TTC34: variants seen among roughly 807,000 people sequenced by gnomAD.
The protein encoded by TTC34 is tetratricopeptide repeat domain 34, also known as tetratricopeptide repeat protein 34.
In TTC34, 44 loss-of-function variants were observed where a neutral mutation model predicts 40.7. The ratio of observed to expected loss-of-function variants is 1.08; its 90% CI spans 0.85 to 1.39. The LOEUF is 1.39. Among genes scored for constraint, TTC34 ranks in the 40% most tolerant of loss-of-function variants. The pLI is 0.00. For missense variants in TTC34, 884 were observed against 838.0 expected (o/e 1.05, Z -0.68); for synonymous variants, 422 against 398.6 (o/e 1.06, Z -0.70).
chr1:2,682,081 C>G lies in TTC34; in HGVS notation c.2227-36518G>C, dbSNP rs868044592. 7.0e-3 allele frequency among the ~76,000 whole-genome samples: 882 copies of G among 126,504 alleles called. 10 individuals carry two copies. The highest frequency in any genetic ancestry group is 0.024 in the African/African-American group (824 of 34,558). 83.0% of individuals were successfully genotyped at this position (126,504 alleles called of 152,430 possible). A position where few individuals can be genotyped will look rare whatever the true frequency, so the allele number is the denominator to read the frequency against. ...GCACCCCACACCCACAGGTGAGCAT[C>G]TGACAGCCTGGAGCAGCACCCACAC... On this transcript the variant is annotated intron_variant, in intron 6 of 8. Transcript: ENST00000401095.
In TTC34 at chr1:2,686,523, C is replaced by T. The variant is rs371084209; in HGVS notation, c.2227-40960G>A. 3.5e-4 allele frequency among the ~76,000 whole-genome samples: 49 copies of T among 139,604 alleles called. No homozygotes were observed. The East Asian group carries it at 8.3e-3, about 24-fold the overall frequency. The allele number at this position is 139,604 out of a possible 152,430, so 91.6% of individuals were successfully genotyped here. A position where few individuals can be genotyped will look rare whatever the true frequency, so the allele number is the denominator to read the frequency against. On this transcript the variant is annotated intron_variant, in intron 6 of 8. Coordinates refer to ENST00000401095, the Ensembl canonical transcript of TTC34. ...ACAGCCTCGAACAGCACCCTGCACC[C>T]CCAGGGGAGCATCTGACAGCCTGGA...
intron 6 of TTC34, among the ~76,000 whole-genome samples, chr1:2,688,022 T>A: frequency 7.8e-6 from 1 of 127,780 alleles, no homozygotes; most frequent in Admixed American, 8.0e-5. Flanking sequence ...GGCGAGCATC[T>A]GACTGCATGT....
rs1208721428 is a variant in TTC34 at position 2,755,949 on chromosome 1, A to T, written c.2226+27660T>A. On this transcript the variant is annotated intron_variant, in intron 6 of 8. Coordinates refer to ENST00000401095, the Ensembl canonical transcript of TTC34. Reference sequence around the variant, plus strand: ...GCCTGGAGCAGCACCCTGCACCCCCAGGTGAGGATCTGACAGCCTGGAACA... The same window carrying T: ...GCCTGGAGCAGCACCCTGCACCCCCTGGTGAGGATCTGACAGCCTGGAACA... Among the ~76,000 whole-genome samples, 9 of 78,430 alleles carry T rather than the reference A, an allele frequency of 1.1e-4. 3 individuals are homozygous for T. Among genetic ancestry groups the T allele is most frequent in the African/African-American group, 9.0e-4 (9 of 9,964 alleles). The allele number at this position is 78,430 out of a possible 152,430, so 51.5% of individuals were successfully genotyped here.
At chr1:2,641,861 G>T in exon 9 of TTC34, 1 of 1,502,012 alleles carries the variant, frequency 6.7e-7, no homozygotes, top group Non-Finnish European at 8.9e-7. Context: ...GGGTTGCCCT[G>T]CGTCCAGGAG....
intron 6 of TTC34, among the ~76,000 whole-genome samples, chr1:2,686,234 C>A (rs1476292654): frequency 2.7e-5 from 4 of 150,014 alleles, no homozygotes; most frequent in African/African-American, 1.0e-4. Context: ...TGGAGCAGTG[C>A]CCACACCCCC....
intron 6 of TTC34, among the ~76,000 whole-genome samples, chr1:2,747,596 GC>G (rs1641194973): frequency 7.9e-6 from 1 of 126,154 alleles, no homozygotes; most frequent in South Asian, 2.8e-4. Context: ...GCACCCACAT[GC>G]CCAGGTGAGC....
intron 6 of TTC34, among the ~76,000 whole-genome samples, chr1:2,660,803 C>A (rs1570772576): frequency 1.5e-5 from 2 of 130,406 alleles, no homozygotes; most frequent in African/African-American, 3.1e-5. Flanking sequence ...CCCAGGTGAG[C>A]ATCTGACAGC....
chr1:2,700,010 C>G (rs1158508815), intron 6 of TTC34, among the ~76,000 whole-genome samples: 2 of 117,786 alleles, frequency 1.7e-5, no homozygotes, highest in Non-Finnish European at 4.0e-5. Context: ...GCAGCGTCCA[C>G]ACCCCCAGGT....
chr1:2,751,746 C>A (rs1209409400), intron 6 of TTC34, among the ~76,000 whole-genome samples: 11 of 147,826 alleles, frequency 7.4e-5, no homozygotes, highest in Non-Finnish European at 1.2e-4. Flanking sequence ...GAGCATCTGA[C>A]ATCGTAGAGC....
At position 2,768,501 on chromosome 1, in the gene TTC34, T is replaced by A. The variant is rs1183282628; in HGVS notation, c.2226+15108A>T. On this transcript the variant is annotated intron_variant, in intron 6 of 8. Transcript: ENST00000401095. ...ATAAGTGGGGAAAAGCTCCCCGCCC[T>A]CAGGTGAGTGTCTGACAGCCTGGAA... is the stretch of plus-strand genomic sequence containing the variant. Among the ~76,000 whole-genome samples, 2 of 150,246 alleles carry A rather than the reference T, an allele frequency of 1.3e-5. 1 individual carries two copies. The highest frequency in any genetic ancestry group is 1.3e-4 in the Admixed American group (2 of 15,138).
intron 6 of TTC34, among the ~76,000 whole-genome samples, chr1:2,655,516 C>G (rs1326176318): frequency 1.4e-5 from 2 of 146,070 alleles, no homozygotes; most frequent in African/African-American, 5.1e-5. Context: ...ATCTGACAGG[C>G]TGGAGCAGCA....
chr1:2,686,980 GC>G (rs1198859594), intron 6 of TTC34, among the ~76,000 whole-genome samples: 25 of 147,298 alleles, frequency 1.7e-4, no homozygotes, highest in African/African-American at 6.2e-4. Context: ...GCGAGCATCC[GC>G]CAGCCTGGAA....
chr1:2,686,746 T>C (rs375802398), intron 6 of TTC34, among the ~76,000 whole-genome samples: 46 of 142,290 alleles, frequency 3.2e-4, no homozygotes, highest in Admixed American at 4.2e-4. Flanking sequence ...TCTGACAGCC[T>C]GGAACGGCAC....
chr1:2,694,821 G>A lies in TTC34; in HGVS notation c.2227-49258C>T, dbSNP rs145601689. Among the ~76,000 whole-genome samples the A allele has an allele frequency of 8.1e-4, 25 of 30,774 alleles. 1 individual carries two copies. Among genetic ancestry groups the A allele is most frequent in the South Asian group, 2.1e-3 (2 of 964 alleles). The allele number at this position is 30,774 out of a possible 152,430, so 20.2% of individuals were successfully genotyped here. On this transcript the variant is annotated intron_variant, in intron 6 of 8. Coordinates refer to ENST00000401095, the Ensembl canonical transcript of TTC34. ...AGGCGAGCATCTGACAGCCTGGAAC[G>A]ACACCCACACCCCCAGGTGAGCATC...
chr1:2,649,709 C>CG (rs1639088317), intron 6 of TTC34, among the ~76,000 whole-genome samples: 1 of 152,100 alleles, frequency 6.6e-6, no homozygotes, highest in Admixed American at 6.5e-5. Context: ...TTAGTAGAGA[C>CG]GGGGTTTCAC....
chr1:2,790,017 C>A, exon 3 of TTC34: 1 of 395,448 alleles, frequency 2.5e-6, no homozygotes, highest in Non-Finnish European at 4.5e-6. Flanking sequence ...GCTCCCAGCG[C>A]GGGTCGCGCC....
chr1:2,693,815 C>T (rs1450127860), intron 6 of TTC34, among the ~76,000 whole-genome samples: 33 of 133,774 alleles, frequency 2.5e-4, no homozygotes, highest in Non-Finnish European at 3.6e-4. Flanking sequence ...TGGTCTGGAG[C>T]AGCACCCACA....
At chr1:2,699,462 G>C (rs1297741982) in intron 6 of TTC34, among the ~76,000 whole-genome samples, 1 of 117,504 alleles carries the variant, frequency 8.5e-6, no homozygotes, top group Non-Finnish European at 1.9e-5. Context: ...ACCCACAGGC[G>C]AGCATCTGAC....
At position 2,673,367 on chromosome 1, in the gene TTC34, C is replaced by A. The variant is rs1163028883; in HGVS notation, c.2227-27804G>T. Among the ~76,000 whole-genome samples the A allele has an allele frequency of 2.9e-5, 2 of 69,248 alleles. 1 individual carries two copies. The highest frequency in any genetic ancestry group is 6.6e-5 in the Non-Finnish European group (2 of 30,318). The allele number at this position is 69,248 out of a possible 152,430, so 45.4% of individuals were successfully genotyped here. On this transcript the variant is annotated intron_variant, in intron 6 of 8. Transcript: ENST00000401095. The stretch of plus-strand genomic sequence containing the variant: ...AGCGGAACCCACGGCCACAGGCGAG[C>A]ATCTGAGGGCCTGGGTCGGCACCCA...
Sources: gnomAD v4.1 joint callset for allele counts (sites outside exome capture counted in the v4.1 genomes callset) on GRCh38, gnomAD v4.1.1 for gene constraint, MANE v1.5 for transcripts, NCBI Gene and HGNC (gene_info 2026-07-23, HGNC 2026-07-21) for gene names.